The following TAFA1 variants were observed in gnomAD, a reference collection of about 807,000 sequenced individuals.
TAFA1 encodes the protein TAFA chemokine like family member 1, also known as chemokine-like protein TAFA-1.
Under a neutral mutation model 18.5 loss-of-function variants are expected in TAFA1, and 4 were observed. That is an observed-to-expected ratio of 0.22 (90% CI 0.11 to 0.49). The LOEUF (loss-of-function observed/expected upper bound fraction) is 0.49, where lower values mean the gene tolerates loss of function less well. TAFA1 is among the 20% of genes least tolerant of loss of function. The pLI is 0.98. For missense variants in TAFA1, 147 were observed against 169.0 expected (o/e 0.87, Z 0.72); for synonymous variants, 56 against 55.2 (o/e 1.01, Z -0.06).
At position 68,448,051 on chromosome 3, in the gene TAFA1, T is replaced by C. The variant is rs137907601; in HGVS notation, c.259+30631T>C. On this transcript the variant is annotated intron_variant, in intron 3 of 4. Coordinates refer to ENST00000478136, the MANE Select transcript of TAFA1 (RefSeq NM_213609.4). ...TGAGAAGTGAGCTCAGGAATTCTGC[T>C]GCAGTTGGTGGAGGGTGTGAGCAGT... Among the ~76,000 whole-genome samples the C allele has an allele frequency of 8.4e-3, 1,282 of 152,292 alleles. 5 individuals carry two copies. Among genetic ancestry groups the C allele is most frequent in the South Asian group, 0.024 (115 of 4,828 alleles).
At chr3:68,422,234 A>G (rs2070969966) in intron 3 of TAFA1, among the ~76,000 whole-genome samples, 1 of 152,096 alleles carries the variant, frequency 6.6e-6, no homozygotes, top group Non-Finnish European at 1.5e-5. Flanking sequence ...GTTAATAGCT[A>G]TATGGGTTTT....
intron 4 of TAFA1, among the ~76,000 whole-genome samples, chr3:68,542,921 A>G (rs1325759416): frequency 6.6e-6 from 1 of 152,126 alleles, no homozygotes; most frequent in Non-Finnish European, 1.5e-5. Flanking sequence ...GTCTCAGGTG[A>G]GCAGGGGGAT....
intron 2 of TAFA1, among the ~76,000 whole-genome samples, chr3:68,175,859 C>T (rs1363936459): frequency 6.6e-6 from 1 of 152,082 alleles, no homozygotes. Context: ...TATGTCCCCA[C>T]CCGAGTATCA....
At chr3:68,320,799 C>A (rs1403669494) in intron 2 of TAFA1, among the ~76,000 whole-genome samples, 11 of 152,166 alleles carry the variant, frequency 7.2e-5, no homozygotes, top group Non-Finnish European at 1.6e-4. Context: ...TTTGAGAAAG[C>A]ATGCACCCTG....
intron 2 of TAFA1, among the ~76,000 whole-genome samples, chr3:68,120,171 C>CTCTTTTTCTTTCTTTCTT (rs2065373666): frequency 2.2e-4 from 19 of 84,488 alleles, no homozygotes; most frequent in Middle Eastern, 6.9e-3. Context: ...CTCTTTCTTT[C>CTCTTTTTCTTTCTTTCTT]TCTTTCTTTC....
intron 2 of TAFA1, among the ~76,000 whole-genome samples, chr3:68,296,259 C>A (rs1024289832): frequency 9.8e-6 from 1 of 102,104 alleles, no homozygotes. Context: ...TTATCTACAG[C>A]CTTTTAAAAC....
chr3:68,396,492 C>A (rs1378196144), intron 2 of TAFA1, among the ~76,000 whole-genome samples: 1 of 152,168 alleles, frequency 6.6e-6, no homozygotes, highest in Non-Finnish European at 1.5e-5. Context: ...GACTTCTATA[C>A]TATATCTTCT....
At chr3:68,330,033 A>T (rs2068838777) in intron 2 of TAFA1, among the ~76,000 whole-genome samples, 1 of 152,168 alleles carries the variant, frequency 6.6e-6, no homozygotes, top group Non-Finnish European at 1.5e-5. Context: ...AATTGCAGGG[A>T]TAGCTGGGTC....
intron 2 of TAFA1, among the ~76,000 whole-genome samples, chr3:68,191,909 C>T (rs746907622): frequency 7.9e-5 from 12 of 151,910 alleles, no homozygotes; most frequent in Admixed American, 2.0e-4. Context: ...ATCACTTCAA[C>T]GTCATTCAAT....
intron 2 of TAFA1, among the ~76,000 whole-genome samples, chr3:68,411,567 C>G (rs1280521196): frequency 6.6e-6 from 1 of 152,138 alleles, no homozygotes; most frequent in Non-Finnish European, 1.5e-5. Context: ...TCATTTAATA[C>G]TACCTTTAGA....
At chr3:68,255,608 C>T (rs2067282626) in intron 2 of TAFA1, among the ~76,000 whole-genome samples, 1 of 152,054 alleles carries the variant, frequency 6.6e-6, no homozygotes, top group Non-Finnish European at 1.5e-5. Flanking sequence ...TCAATGGCCA[C>T]AGCATAGAGG....
chr3:68,460,336 C>A (rs998174069), intron 3 of TAFA1, among the ~76,000 whole-genome samples: 1 of 152,070 alleles, frequency 6.6e-6, no homozygotes, highest in Non-Finnish European at 1.5e-5. Context: ...GATGTCAATA[C>A]AAGGATGGCA....
chr3:68,148,198 G>T (rs2106915932), intron 2 of TAFA1, among the ~76,000 whole-genome samples: 1 of 152,224 alleles, frequency 6.6e-6, no homozygotes, highest in Admixed American at 6.5e-5. Context: ...TGACTAATGG[G>T]TCCTATCTGA....
intron 3 of TAFA1, among the ~76,000 whole-genome samples, chr3:68,428,033 T>C (rs75359499): frequency 5.8e-4 from 88 of 152,076 alleles, no homozygotes; most frequent in Admixed American, 3.5e-3. Flanking sequence ...TATTTCTTTA[T>C]AGGACTATGA....
chr3:68,347,379 A>G (rs2106766222), intron 2 of TAFA1, among the ~76,000 whole-genome samples: 1 of 152,284 alleles, frequency 6.6e-6, no homozygotes, highest in South Asian at 2.1e-4. Context: ...AAATTCTGTT[A>G]TTGTTTGCAG....
chr3:68,236,383 A>G (rs1017778503), intron 2 of TAFA1, among the ~76,000 whole-genome samples: 1 of 152,254 alleles, frequency 6.6e-6, no homozygotes, highest in African/African-American at 2.4e-5. Context: ...GAACTTATGA[A>G]TTACTATCAT....
intron 3 of TAFA1, among the ~76,000 whole-genome samples, chr3:68,465,299 T>C (rs967973574): frequency 1.3e-5 from 2 of 152,158 alleles, no homozygotes; most frequent in African/African-American, 4.8e-5. Context: ...AAACTCAACA[T>C]GCTAAAGATC....
chr3:68,372,381 G>A (rs1306681534), intron 2 of TAFA1, among the ~76,000 whole-genome samples: 1 of 152,152 alleles, frequency 6.6e-6, no homozygotes, highest in African/African-American at 2.4e-5. Flanking sequence ...CAAGACTGTT[G>A]TGGACGTGGA....
At chr3:68,331,045 C>G (rs1391161576) in intron 2 of TAFA1, among the ~76,000 whole-genome samples, 1 of 134,854 alleles carries the variant, frequency 7.4e-6, no homozygotes. Flanking sequence ...CAACAAATGT[C>G]CATCAGCTGA....
Sources: gnomAD v4.1 joint callset for allele counts (sites outside exome capture counted in the v4.1 genomes callset) on GRCh38, gnomAD v4.1.1 for gene constraint, MANE v1.5 for transcripts, NCBI Gene and HGNC (gene_info 2026-07-23, HGNC 2026-07-21) for gene names.